The following ENPP1 variants were observed in gnomAD, a reference collection of about 807,000 sequenced individuals.
ENPP1 encodes ectonucleotide pyrophosphatase/phosphodiesterase family member 1.
ENPP1 carries 73 observed loss-of-function variants against 122.8 expected under a neutral mutation model. The ratio of observed to expected loss-of-function variants is 0.59; its 90% CI spans 0.49 to 0.72. ENPP1 has a LOEUF of 0.72. Ranked by LOEUF, ENPP1 falls within the 30% of genes least tolerant of loss-of-function variation. The pLI is 0.00. For missense variants in ENPP1, 978 were observed against 1,128.1 expected (o/e 0.87, Z 1.91); for synonymous variants, 367 against 391.6 (o/e 0.94, Z 0.74).
intron 20 of ENPP1, among the ~76,000 whole-genome samples, chr6:131,881,829 G>T (rs1047861421): frequency 6.6e-6 from 1 of 151,998 alleles, no homozygotes; most frequent in Non-Finnish European, 1.5e-5. Flanking sequence ...GACCAGCCTT[G>T]CCAACATGGT....
rs904747214 is a variant in ENPP1 at position 131,833,029 on chromosome 6, T to C, written c.241-14747T>C. On this transcript the variant is annotated intron_variant, in intron 1 of 24. Coordinates refer to ENST00000647893, the MANE Select transcript of ENPP1 (RefSeq NM_006208.3). ...ATTCCAAACACTGCTACAATAAATA[T>C]CTCTGTGTGCATATCTTTGTGTGCT... Among the ~76,000 whole-genome samples, 3 of 152,288 alleles carry C rather than the reference T, an allele frequency of 2.0e-5. No individual in the cohort carries two copies. In the East Asian group the frequency reaches 5.9e-4, roughly 30 times the overall value.
intron 14 of ENPP1, 127 bp downstream of exon 14, chr6:131,872,228 GA>G: frequency 1.4e-6 from 1 of 711,532 alleles, no homozygotes; most frequent in Non-Finnish European, 2.4e-6. Context: ...GGCCAACATG[GA>G]AATGCTGTGT....
intron 24 of ENPP1, 59 bp downstream of exon 24, chr6:131,886,783 TTTA>T: frequency 6.9e-7 from 1 of 1,439,968 alleles, no homozygotes; most frequent in South Asian, 1.2e-5. Flanking sequence ...TGCATATTTG[TTTA>T]TGTCACCCAT....
chr6:131,886,931 T>C lies in ENPP1; in HGVS notation c.2607+207T>C, dbSNP rs73778352. 0.013 allele frequency among the ~76,000 whole-genome samples: 1,714 copies of C among 132,030 alleles called. 34 individuals carry two copies. Among genetic ancestry groups the C allele is most frequent in the African/African-American group, 0.056 (1,585 of 28,240 alleles). The allele number at this position is 132,030 out of a possible 152,430, so 86.6% of individuals were successfully genotyped here. ...TTGTCTGCTTTTACTTTTTTCTTTTTTTTTTTTTTTTTTTTAGAGATAGGG... is the reference window on the plus strand; with the variant it reads ...TTGTCTGCTTTTACTTTTTTCTTTTCTTTTTTTTTTTTTTTAGAGATAGGG... On this transcript the variant is annotated intron_variant, in intron 24 of 24. Coordinates refer to ENST00000647893, the MANE Select transcript of ENPP1 (RefSeq NM_006208.3).
chr6:131,848,180 A>G (rs1781837328), intron 2 of ENPP1, among the ~76,000 whole-genome samples: 1 of 152,250 alleles, frequency 6.6e-6, no homozygotes, highest in Non-Finnish European at 1.5e-5. Flanking sequence ...GTAGGTTACT[A>G]GGTGACAGTT....
At chr6:131,884,781 AAAAAC>A (rs1227529860) in intron 22 of ENPP1, 145 bp from the exon 23 acceptor site, 4 of 952,538 alleles carry the variant, frequency 4.2e-6, no homozygotes, top group East Asian at 5.2e-5. Flanking sequence ...TCTCTAAACA[AAAAAC>A]AAAACAAAAC....
rs1781803117 is a variant in ENPP1, at chr6:131,845,822, A to T, written c.241-1954A>T. On this transcript the variant is annotated intron_variant, in intron 1 of 24. Coordinates refer to ENST00000647893, the MANE Select transcript of ENPP1 (RefSeq NM_006208.3). Reference sequence around the variant, plus strand: ...CACCATCAGAAGTTTAGGAGAATCCATTACTATTCTCTTCTGATACCTTGT... The same window carrying T: ...CACCATCAGAAGTTTAGGAGAATCCTTTACTATTCTCTTCTGATACCTTGT... Among the ~76,000 whole-genome samples, 3 of 152,098 alleles carry T rather than the reference A, an allele frequency of 2.0e-5. No individual in the cohort carries two copies. The South Asian group carries it at 6.2e-4, about 32-fold the overall frequency.
intron 1 of ENPP1, among the ~76,000 whole-genome samples, chr6:131,830,993 G>A (rs570780915): frequency 6.6e-6 from 1 of 151,238 alleles, no homozygotes; most frequent in African/African-American, 2.4e-5. Flanking sequence ...TGTACCTGTA[G>A]TCCCAGCTAC....
chr6:131,867,926 TC>T lies in ENPP1; in HGVS notation c.1165-91del, dbSNP rs1328668474. On this transcript the variant is annotated intron_variant, in intron 11 of 24. Transcript: ENST00000647893. ...GTCTTTCTTTCTTTCTTTGTTTCTTTCTTTTTTTTTTTTTTTAACAGAGATA... is the reference window on the plus strand; with the variant it reads ...GTCTTTCTTTCTTTCTTTGTTTCTTTTTTTTTTTTTTTTTTAACAGAGATA... The T allele has an allele frequency of 2.1e-4, 188 of 895,558 alleles. 1 individual carries two copies. In the African/African-American group the frequency reaches 3.0e-3, roughly 14 times the overall value. The allele number at this position is 895,558 out of a possible 1,614,324, so 55.5% of individuals were successfully genotyped here. A position where few individuals can be genotyped will look rare whatever the true frequency, so the allele number is the denominator to read the frequency against.
intron 1 of ENPP1, among the ~76,000 whole-genome samples, chr6:131,836,982 T>G (rs1411493717): frequency 6.6e-6 from 1 of 152,172 alleles, no homozygotes; most frequent in Non-Finnish European, 1.5e-5. Flanking sequence ...GAGCAGGTAG[T>G]GACAAGTACT....
rs993722399 is a variant in ENPP1, at chr6:131,894,632, A to G, written c.*4121A>G. On this transcript the variant is annotated 3_prime_UTR_variant, in exon 25 of 25. Transcript: ENST00000647893. The stretch of plus-strand genomic sequence containing the variant: ...ATTTCCATCAGTTCATTCATGAAAG[A>G]ACAAAGAACCTGGCAAAACTTAAAA... 4 of 152,278 alleles carry G rather than the reference A, an allele frequency of 2.6e-5. No individual in the cohort carries two copies. The highest frequency in any genetic ancestry group is 2.1e-4 in the South Asian group (1 of 4,836). The allele number at this position is 152,278 out of a possible 1,614,324, so 9.4% of individuals were successfully genotyped here.
At chr6:131,826,046 T>G in intron 1 of ENPP1, 1 of 760,780 alleles carries the variant, frequency 1.3e-6, no homozygotes, top group Non-Finnish European at 2.4e-6. Context: ...TTGAGCAAAT[T>G]CTCTTCAACA....
At chr6:131,859,289 T>G (rs1317674585) in intron 7 of ENPP1, among the ~76,000 whole-genome samples, 1 of 152,212 alleles carries the variant, frequency 6.6e-6, no homozygotes, top group Non-Finnish European at 1.5e-5. Context: ...CAAGCTACTC[T>G]GGGACCTCGC....
At chr6:131,855,151 T>G (rs895950310) in intron 6 of ENPP1, 128 bp downstream of exon 6, 7 of 739,242 alleles carry the variant, frequency 9.5e-6, no homozygotes, top group Admixed American at 4.0e-5. Context: ...GGCAAAGTAG[T>G]TGAACCTTGT....
chr6:131,873,136 T>G, intron 15 of ENPP1, 86 bp downstream of exon 15: 1 of 1,418,012 alleles, frequency 7.1e-7, no homozygotes, highest in Non-Finnish European at 1.0e-6. Flanking sequence ...ACAATATTGT[T>G]ATGTGAAAAC....
rs1232716726 is a variant in ENPP1, at chr6:131,891,389, A to C, written c.*878A>C. 1 of 152,146 alleles carries C rather than the reference A, an allele frequency of 6.6e-6. No homozygotes were observed. The highest frequency in any genetic ancestry group is 1.5e-5 in the Non-Finnish European group (1 of 68,026). 9.4% of individuals were successfully genotyped at this position (152,146 alleles called of 1,614,324 possible). A position where few individuals can be genotyped will look rare whatever the true frequency, so the allele number is the denominator to read the frequency against. Reference sequence around the variant, plus strand: ...ATGCTTAGAATGTTTCTTTCTGTGCACAAGACTTACCCTACCAGCAGCAGA... The same window carrying C: ...ATGCTTAGAATGTTTCTTTCTGTGCCCAAGACTTACCCTACCAGCAGCAGA... On this transcript the variant is annotated 3_prime_UTR_variant, in exon 25 of 25. Coordinates refer to ENST00000647893, the MANE Select transcript of ENPP1 (RefSeq NM_006208.3).
At chr6:131,827,793 G>T in intron 1 of ENPP1, 1 of 910,182 alleles carries the variant, frequency 1.1e-6, no homozygotes, top group East Asian at 2.5e-5. Context: ...CCCGCTGCAG[G>T]TGGGGCAATG....
At chr6:131,873,890 A>G (rs1782194907) in intron 15 of ENPP1, among the ~76,000 whole-genome samples, 1 of 152,058 alleles carries the variant, frequency 6.6e-6, no homozygotes, top group African/African-American at 2.4e-5. Context: ...ATATCTAAAC[A>G]CCATGTTGCA....
In ENPP1 at chr6:131,886,727, A is replaced by T. The variant is rs1782382911; in HGVS notation, c.2607+3A>T. The T allele has an allele frequency of 6.2e-7, 1 of 1,610,864 alleles. No individual in the cohort carries two copies. Among genetic ancestry groups the T allele is most frequent in the Non-Finnish European group, 8.5e-7 (1 of 1,178,928 alleles). On this transcript the variant is annotated splice_donor_region_variant and intron_variant, in intron 24 of 24. Coordinates refer to ENST00000647893, the MANE Select transcript of ENPP1 (RefSeq NM_006208.3). The stretch of plus-strand genomic sequence containing the variant: ...CTGATAACAGCGAGAGCTGTGTGGT[A>T]AGTAGCTTTTGTATATTTACTTTGC...
Sources: gnomAD v4.1 joint callset for allele counts (sites outside exome capture counted in the v4.1 genomes callset) on GRCh38, gnomAD v4.1.1 for gene constraint, MANE v1.5 for transcripts, NCBI Gene and HGNC (gene_info 2026-07-23, HGNC 2026-07-21) for gene names.